The following PDCD6IP variants were observed in gnomAD, a reference collection of about 807,000 sequenced individuals.
PDCD6IP encodes the protein programmed cell death 6 interacting protein.
Under a neutral mutation model 103.7 loss-of-function variants are expected in PDCD6IP, and 43 were observed. The ratio of observed to expected loss-of-function variants is 0.41; its 90% CI spans 0.32 to 0.53. The LOEUF is 0.53. Among genes scored for constraint, PDCD6IP ranks in the 20% least tolerant of loss-of-function variants. PDCD6IP has a pLI of 0.16. For synonymous variants in PDCD6IP, 354 were observed against 378.7 expected, an observed-to-expected ratio of 0.93 and a Z score of 0.76; for missense variants, 871 against 1,036.7, an observed-to-expected ratio of 0.84 and a Z score of 2.20.
intron 6 of PDCD6IP, chr3:33,826,886 G>C: frequency 9.0e-7 from 1 of 1,112,748 alleles, no homozygotes; most frequent in Non-Finnish European, 1.1e-6. Context: ...GTGTAGTTCT[G>C]AATCATTGGT....
chr3:33,825,627 G>A (rs953600139), intron 5 of PDCD6IP, among the ~76,000 whole-genome samples: 2 of 152,072 alleles, frequency 1.3e-5, no homozygotes, highest in Non-Finnish European at 2.9e-5. Flanking sequence ...ACATTTATTC[G>A]CAAATATTTA....
At chr3:33,853,136 G>T (rs534655073) in intron 13 of PDCD6IP, among the ~76,000 whole-genome samples, 1 of 152,132 alleles carries the variant, frequency 6.6e-6, no homozygotes, top group South Asian at 2.1e-4. Flanking sequence ...TGTTAGCCAG[G>T]ATGGTCTCGA....
chr3:33,853,830 T>C lies in PDCD6IP; in HGVS notation c.1891-49T>C, dbSNP rs1475009111. The C allele has an allele frequency of 9.2e-6, 12 of 1,305,332 alleles. No homozygotes were observed. In the Admixed American group the frequency reaches 3.3e-4, roughly 36 times the overall value. The allele number at this position is 1,305,332 out of a possible 1,614,324, so 80.9% of individuals were successfully genotyped here. A position where few individuals can be genotyped will look rare whatever the true frequency, so the allele number is the denominator to read the frequency against. On this transcript the variant is annotated intron_variant, in intron 13 of 17. Transcript: ENST00000307296. ...AGATCAATAAAAATGTTATGAGCTA[T>C]ATTAATTTTATAAATAAATGTAAAT...
rs1291958254 is a variant in PDCD6IP at position 33,868,599 on chromosome 3, C to T, written c.*2074C>T. The T allele has an allele frequency of 6.6e-6, 1 of 152,330 alleles. No individual in the cohort carries two copies. The highest frequency in any genetic ancestry group is 1.5e-5 in the Non-Finnish European group (1 of 68,078). 9.4% of individuals were successfully genotyped at this position (152,330 alleles called of 1,614,324 possible). ...CATCCTTTGGTTTCTTTTTAATCAC[C>T]TGTGTCTGGGCACAGACAATCACAA... On this transcript the variant is annotated 3_prime_UTR_variant, in exon 18 of 18. Coordinates refer to ENST00000307296, the MANE Select transcript of PDCD6IP (RefSeq NM_013374.6).
chr3:33,851,197 G>C (rs1697705479), intron 12 of PDCD6IP, among the ~76,000 whole-genome samples: 1 of 152,072 alleles, frequency 6.6e-6, no homozygotes, highest in Non-Finnish European at 1.5e-5. Context: ...TAGTGAGAAA[G>C]ACAGGGGTGG....
At chr3:33,815,010 A>G (rs1369549614) in intron 3 of PDCD6IP, among the ~76,000 whole-genome samples, 1 of 148,030 alleles carries the variant, frequency 6.8e-6, no homozygotes, top group Non-Finnish European at 1.5e-5. Context: ...ATACATATAC[A>G]TTAAGATATG....
In PDCD6IP at chr3:33,868,906, A is replaced by G. The variant is rs1335430902; in HGVS notation, c.*2381A>G. ...CAGTCTGGTATAAAGTATTGATCTAAGAGAACTCTCCCTGTGCCCCTTGGT... is the reference window on the plus strand; with the variant it reads ...CAGTCTGGTATAAAGTATTGATCTAGGAGAACTCTCCCTGTGCCCCTTGGT... On this transcript the variant is annotated 3_prime_UTR_variant, in exon 18 of 18. Coordinates refer to ENST00000307296, the MANE Select transcript of PDCD6IP (RefSeq NM_013374.6). The G allele has an allele frequency of 2.0e-5, 3 of 152,236 alleles. No individual in the cohort carries two copies. In the East Asian group the frequency reaches 5.8e-4, roughly 29 times the overall value. 9.4% of individuals were successfully genotyped at this position (152,236 alleles called of 1,614,324 possible).
At chr3:33,843,249 T>G (rs1321301912) in intron 10 of PDCD6IP, among the ~76,000 whole-genome samples, 2 of 152,202 alleles carry the variant, frequency 1.3e-5, no homozygotes, top group Non-Finnish European at 2.9e-5. Flanking sequence ...AATCACCTGT[T>G]TGGAAGTATA....
chr3:33,841,792 A>G (rs554670055), intron 9 of PDCD6IP, 105 bp from the exon 10 acceptor site: 50 of 788,494 alleles, frequency 6.3e-5, no homozygotes, highest in Non-Finnish European at 9.8e-5. Flanking sequence ...TGCTAACTCC[A>G]TTGCTGTTGA....
intron 8 of PDCD6IP, among the ~76,000 whole-genome samples, chr3:33,837,296 C>T (rs541210208): frequency 6.6e-6 from 1 of 152,326 alleles, no homozygotes; most frequent in East Asian, 1.9e-4. Flanking sequence ...TAGATGTATA[C>T]AACAGATGGT....
chr3:33,832,802 A>G (rs1478336734), intron 7 of PDCD6IP, among the ~76,000 whole-genome samples: 1 of 151,788 alleles, frequency 6.6e-6, no homozygotes, highest in African/African-American at 2.4e-5. Context: ...TCATTTTTTG[A>G]ATTTTTCTGC....
chr3:33,832,615 T>C (rs1697266641), intron 7 of PDCD6IP, among the ~76,000 whole-genome samples: 2 of 152,182 alleles, frequency 1.3e-5, no homozygotes, highest in Non-Finnish European at 2.9e-5. Context: ...ATAATAGCCT[T>C]GTTTACCTCA....
intron 3 of PDCD6IP, among the ~76,000 whole-genome samples, chr3:33,816,060 A>G (rs555478936): frequency 1.6e-4 from 25 of 152,302 alleles, no homozygotes; most frequent in Non-Finnish European, 3.2e-4. Flanking sequence ...AGAGTTTCAA[A>G]GGTGATGTGG....
chr3:33,865,549 A>G, intron 17 of PDCD6IP, 119 bp downstream of exon 17: 2 of 688,112 alleles, frequency 2.9e-6, no homozygotes, highest in East Asian at 3.3e-5. Flanking sequence ...AATAAGCTAC[A>G]CTGTCAGCTT....
intron 6 of PDCD6IP, chr3:33,827,654 A>C (rs1411060091): frequency 1.3e-5 from 2 of 152,030 alleles, no homozygotes; most frequent in Non-Finnish European, 2.9e-5. Flanking sequence ...GTTCCGTTAC[A>C]TCCTGTTGGG....
Position 33,845,403 on chromosome 3 carries a change from T to C in PDCD6IP, c.1472-16T>C. 6.2e-7 allele frequency: 1 copy of C among 1,605,422 alleles called. No individual in the cohort carries two copies. The highest frequency in any genetic ancestry group is 8.5e-7 in the Non-Finnish European group (1 of 1,174,366). On this transcript the variant is annotated splice_polypyrimidine_tract_variant and intron_variant, in intron 11 of 17. Transcript: ENST00000307296. ...AGAATCACTTCTGTGCTCTGCAAAC[T>C]TTTATTTTCTCCCAGAGGGAACCAA...
At chr3:33,860,309 A>G (rs1178874098) in intron 15 of PDCD6IP, among the ~76,000 whole-genome samples, 1 of 152,240 alleles carries the variant, frequency 6.6e-6, no homozygotes, top group Non-Finnish European at 1.5e-5. Flanking sequence ...AGGCCATATA[A>G]TAATATTAGC....
chr3:33,849,325 G>A (rs1439738211), intron 12 of PDCD6IP, among the ~76,000 whole-genome samples: 1 of 151,780 alleles, frequency 6.6e-6, no homozygotes, highest in Non-Finnish European at 1.5e-5. Context: ...TCCCATTTCC[G>A]TGGCTGTTAC....
chr3:33,833,480 C>G (rs1157906895), intron 7 of PDCD6IP, among the ~76,000 whole-genome samples: 1 of 151,502 alleles, frequency 6.6e-6, no homozygotes, highest in Non-Finnish European at 1.5e-5. Context: ...CCTTTTGCTC[C>G]TTGTATAAAT....
Sources: gnomAD v4.1 joint callset for allele counts (sites outside exome capture counted in the v4.1 genomes callset) on GRCh38, gnomAD v4.1.1 for gene constraint, MANE v1.5 for transcripts, NCBI Gene and HGNC (gene_info 2026-07-23, HGNC 2026-07-21) for gene names.